POLR1A: variants seen among roughly 807,000 people sequenced by gnomAD.
POLR1A encodes the protein DNA-directed RNA polymerase I subunit RPA1.
In POLR1A, 84 loss-of-function variants were observed where a neutral mutation model predicts 205.3. The ratio of observed to expected loss-of-function variants is 0.41; its 90% CI spans 0.34 to 0.49. The LOEUF is 0.49. POLR1A is among the 20% of genes least tolerant of loss of function. The pLI is 0.22. For synonymous variants in POLR1A, 799 were observed against 863.7 expected (o/e 0.93, Z 1.31); for missense variants, 1,645 against 2,204.5 (o/e 0.75, Z 5.08).
Position 86,044,259 on chromosome 2 carries a change from G to A in POLR1A, c.3015C>T (p.Leu1005=), listed in dbSNP as rs1672672335. ...CACTGCCGTCACTGTCACGGACCGTGAGATCATACTGCACGACCAGCCCCT... is the reference window on the plus strand; with the variant it reads ...CACTGCCGTCACTGTCACGGACCGTAAGATCATACTGCACGACCAGCCCCT... ...HLEGLVVQYD[L]TVRDSDGSVV... Residue 1005 remains leucine (L), a synonymous_variant, in exon 22 of 34, where the codon CTC becomes CTT. Transcript: ENST00000263857. The A allele has an allele frequency of 6.2e-7, 1 of 1,614,174 alleles. No individual in the cohort carries two copies. Among genetic ancestry groups the A allele is most frequent in the Non-Finnish European group, 8.5e-7 (1 of 1,180,010 alleles).
intron 27 of POLR1A, among the ~76,000 whole-genome samples, chr2:86,036,006 C>A (rs370964312): frequency 1.3e-4 from 20 of 152,138 alleles, no homozygotes; most frequent in African/African-American, 4.3e-4. Context: ...AACTAACGGC[C>A]CACAGTGACT....
Position 86,033,657 on chromosome 2 carries a change from T to A in POLR1A, c.4161+4A>T. The A allele has an allele frequency of 6.2e-7, 1 of 1,612,818 alleles. No individual in the cohort carries two copies. Among genetic ancestry groups the A allele is most frequent in the Non-Finnish European group, 8.5e-7 (1 of 1,179,694 alleles). On this transcript the variant is annotated splice_donor_region_variant and intron_variant, in intron 28 of 33. Transcript: ENST00000263857. ...ACTCTAGTGACCCCCGGGGACTCAC[T>A]CACCCGACTCCTCCCCAACTCCCCA...
chr2:86,060,827 A>G (rs1401559856), intron 14 of POLR1A, among the ~76,000 whole-genome samples: 1 of 152,246 alleles, frequency 6.6e-6, no homozygotes, highest in African/African-American at 2.4e-5. Flanking sequence ...GATTGGCTAT[A>G]AATTAGAAAC....
chr2:86,079,106 G>A (rs1249533573), intron 9 of POLR1A, among the ~76,000 whole-genome samples: 2 of 152,178 alleles, frequency 1.3e-5, no homozygotes, highest in African/African-American at 2.4e-5. Context: ...GAGGGTGGGT[G>A]AAGATTCAGT....
chr2:86,066,867 T>A (rs558806219), intron 13 of POLR1A, among the ~76,000 whole-genome samples: 25 of 152,314 alleles, frequency 1.6e-4, no homozygotes, highest in African/African-American at 5.8e-4. Flanking sequence ...TTTCACTTAA[T>A]AATGTACATA....
chr2:86,099,848 A>C, intron 2 of POLR1A, 120 bp downstream of exon 2: 2 of 744,958 alleles, frequency 2.7e-6, no homozygotes, highest in East Asian at 5.3e-5. Flanking sequence ...CTCATTCTAC[A>C]GAATGCTTTC....
chr2:86,028,640 C>T lies in POLR1A; in HGVS notation c.4851G>A (p.Ala1617=), dbSNP rs1219659848. Residue 1617 remains alanine (A), a synonymous_variant, in exon 32 of 34, where the codon GCG becomes GCA. Transcript: ENST00000263857. This position sits in a 1 kb window ranked among gnomAD's most constrained non-coding sequence, Gnocchi z 4.5. Reference sequence around the variant, plus strand: ...TGATCTCCTTCTCGATCACCCGCAGCGCGGCCTCAATGCCATACGTGTTGG... The same window carrying T: ...TGATCTCCTTCTCGATCACCCGCAGTGCGGCCTCAATGCCATACGTGTTGG... ...AIANTYGIEA[A]LRVIEKEIKD... 4.2e-5 allele frequency: 68 copies of T among 1,614,090 alleles called. No homozygotes were observed. In the East Asian group the frequency reaches 1.0e-3, roughly 24 times the overall value.
At chr2:86,079,925 T>C (rs775485119) in intron 9 of POLR1A, among the ~76,000 whole-genome samples, 19 of 152,212 alleles carry the variant, frequency 1.2e-4, no homozygotes, top group Admixed American at 2.6e-4. Context: ...CATGGTCTTT[T>C]CTTGGAAACT....
At position 86,098,833 on chromosome 2, in the gene POLR1A, C is replaced by T. The variant is rs907040243; in HGVS notation, c.283-73G>A. 7.6e-6 allele frequency: 11 copies of T among 1,445,248 alleles called. No homozygotes were observed. In the East Asian group the frequency reaches 2.3e-4, roughly 30 times the overall value. The allele number at this position is 1,445,248 out of a possible 1,614,324, so 89.5% of individuals were successfully genotyped here. On this transcript the variant is annotated intron_variant, in intron 2 of 33. Transcript: ENST00000263857. ...TAGCCATGGTGATTTTCGGTATACT[C>T]ACAAGTTTCTTTATGTAGTCAGTCT... is the stretch of plus-strand genomic sequence containing the variant.
At chr2:86,037,255 C>T (rs1672517025) in intron 27 of POLR1A, among the ~76,000 whole-genome samples, 1 of 152,280 alleles carries the variant, frequency 6.6e-6, no homozygotes, top group African/African-American at 2.4e-5. Flanking sequence ...TCAGCCCAGG[C>T]TGGCACCAAC....
chr2:86,077,742 T>C, intron 11 of POLR1A, 117 bp downstream of exon 11: 1 of 1,217,524 alleles, frequency 8.2e-7, no homozygotes, highest in South Asian at 1.3e-5. Flanking sequence ...CTGCACATCC[T>C]GTCCCCAGTC....
intron 8 of POLR1A, 78 bp from the exon 9 acceptor site, chr2:86,081,056 A>C (rs1573828157): frequency 7.5e-7 from 1 of 1,337,608 alleles, no homozygotes; most frequent in East Asian, 2.3e-5. Context: ...ACCCATGCCT[A>C]CTGTAGGGAG....
At chr2:86,027,628 C>T (rs1672293371) in intron 33 of POLR1A, 105 bp from the exon 34 acceptor site, 5 of 1,043,112 alleles carry the variant, frequency 4.8e-6, no homozygotes, top group Non-Finnish European at 7.4e-6. Context: ...TCAGGTGGGT[C>T]CTGAGTCTCT....
At chr2:86,084,255 G>A (rs2104424598) in intron 6 of POLR1A, among the ~76,000 whole-genome samples, 1 of 152,164 alleles carries the variant, frequency 6.6e-6, no homozygotes, top group East Asian at 1.9e-4. Flanking sequence ...AACAGAGCGA[G>A]ACTCCGTCTC....
intron 30 of POLR1A, 131 bp downstream of exon 30, chr2:86,031,199 A>G: frequency 1.5e-6 from 2 of 1,347,936 alleles, no homozygotes; most frequent in Non-Finnish European, 1.9e-6. Flanking sequence ...CTGTGCTCTG[A>G]GTGGGAGACC....
In POLR1A at chr2:86,031,391, C is replaced by T. The variant is rs371198043; in HGVS notation, c.4517G>A (p.Arg1506His). The T allele has an allele frequency of 1.6e-5, 26 of 1,607,668 alleles. No homozygotes were observed. The highest frequency in any genetic ancestry group is 1.7e-4 in the Middle Eastern group (1 of 6,044). The change falls in exon 30 of 34, where the codon CGT (arginine) becomes CAT (histidine). Residue 1506 changes from arginine (R) to histidine (H), a missense_variant. Transcript: ENST00000263857. ...GTCATCTATGAACGGGTGGATCTCA[C>T]GCACAGCCTGGACCCGGCGCTCCAT... ...EAMERRVQAV[R>H]EIHPFIDDYQ...
rs1486600398 is a variant in POLR1A, at chr2:86,020,601, A to G, written c.*6822T>C. 6.6e-6 allele frequency: 1 copy of G among 151,814 alleles called. No individual in the cohort carries two copies. The highest frequency in any genetic ancestry group is 1.5e-5 in the Non-Finnish European group (1 of 68,028). The allele number at this position is 151,814 out of a possible 1,614,324, so 9.4% of individuals were successfully genotyped here. The stretch of plus-strand genomic sequence containing the variant: ...CACTGCTTCATCTATCAGAATGGCT[A>G]AAATGTAAATGATTCCACTTTGTAA... On this transcript the variant is annotated 3_prime_UTR_variant, in exon 34 of 34. Coordinates refer to ENST00000263857, the MANE Select transcript of POLR1A (RefSeq NM_015425.6).
intron 14 of POLR1A, among the ~76,000 whole-genome samples, chr2:86,055,272 G>A (rs146321306): frequency 6.7e-6 from 1 of 149,320 alleles, no homozygotes; most frequent in African/African-American, 2.5e-5. Flanking sequence ...TCCAGCCTGG[G>A]TGAGAGAGTG....
chr2:86,049,175 G>A lies in POLR1A; in HGVS notation c.2460C>T (p.Thr820=). The A allele has an allele frequency of 1.9e-6, 3 of 1,613,698 alleles. No individual in the cohort carries two copies. The highest frequency in any genetic ancestry group is 2.5e-6 in the Non-Finnish European group (3 of 1,179,584). The change falls in exon 17 of 34, where the codon ACC becomes ACT. Residue 820 remains threonine (T), a synonymous_variant. Transcript: ENST00000263857. ...VKRQRIIEES[T]HCGPQAVRAA... ...CCCTCCTTACCTGGGGCCCGCAGTG[G>A]GTGGATTCTTCAATGATACGTTGCC...
Sources: allele counts gnomAD v4.1 joint callset (sites outside exome capture counted in the v4.1 genomes callset), GRCh38; gene constraint gnomAD v4.1.1; non-coding constraint Gnocchi (gnomAD v3.1); transcripts MANE v1.5; gene names NCBI Gene and HGNC (gene_info 2026-07-23, HGNC 2026-07-21).